Variants in NCKAP5 observed in about 807,000 individuals in gnomAD.
NCKAP5 encodes the protein nck-associated protein 5.
NCKAP5 carries 92 observed loss-of-function variants against 167.0 expected under a neutral mutation model. The observed-to-expected ratio is 0.55, with a 90% CI of 0.47 to 0.66. The LOEUF is 0.66. Ranked by LOEUF, NCKAP5 falls within the 30% of genes least tolerant of loss-of-function variation. The pLI is 0.00. For synonymous variants in NCKAP5, 891 were observed against 877.4 expected (o/e 1.02, Z -0.27); for missense variants, 2,378 against 2,315.0 (o/e 1.03, Z -0.56).
intron 5 of NCKAP5, among the ~76,000 whole-genome samples, chr2:133,204,376 C>T (rs142459411): frequency 6.6e-6 from 1 of 152,226 alleles, no homozygotes; most frequent in Non-Finnish European, 1.5e-5. Flanking sequence ...AAGACTCCCC[C>T]CCATCAGAGG....
intron 8 of NCKAP5, among the ~76,000 whole-genome samples, chr2:132,944,496 C>T (rs1697546007): frequency 6.6e-6 from 1 of 152,242 alleles, no homozygotes; most frequent in Non-Finnish European, 1.5e-5. Flanking sequence ...AAATATAGAG[C>T]AATGACAGCT....
chr2:133,378,403 CT>C (rs1194139549), intron 3 of NCKAP5, among the ~76,000 whole-genome samples: 2 of 152,192 alleles, frequency 1.3e-5, no homozygotes, highest in African/African-American at 4.8e-5. Flanking sequence ...CACTAAACAT[CT>C]GAATTATAGT....
At chr2:132,870,977 T>G (rs1325715844) in intron 9 of NCKAP5, among the ~76,000 whole-genome samples, 1 of 152,138 alleles carries the variant, frequency 6.6e-6, no homozygotes, top group Non-Finnish European at 1.5e-5. Context: ...ATCAGAAGTC[T>G]TTTCAAAGTT....
At chr2:133,441,747 C>T (rs182195278) in intron 3 of NCKAP5, among the ~76,000 whole-genome samples, 22 of 152,304 alleles carry the variant, frequency 1.4e-4, no homozygotes, top group African/African-American at 5.3e-4. Context: ...TTCTTCTGGC[C>T]TGGTTGCCTC....
chr2:133,308,016 A>AGGGAGGACAAGAGGGAAAGAAAGT (rs1370276194), intron 3 of NCKAP5, among the ~76,000 whole-genome samples: 1 of 151,032 alleles, frequency 6.6e-6, no homozygotes, highest in East Asian at 2.0e-4. Flanking sequence ...GGAAAGAAAG[A>AGGGAGGACAAGAGGGAAAGAAAGT]GGGAACTGTT....
At chr2:133,200,383 CT>C (rs770746864) in intron 5 of NCKAP5, among the ~76,000 whole-genome samples, 4 of 151,952 alleles carry the variant, frequency 2.6e-5, no homozygotes, top group Non-Finnish European at 5.9e-5. Flanking sequence ...CAAAAATATT[CT>C]TTTCAACAAA....
At chr2:132,686,497 A>G (rs1045110035) in intron 19 of NCKAP5, among the ~76,000 whole-genome samples, 1 of 152,166 alleles carries the variant, frequency 6.6e-6, no homozygotes, top group African/African-American at 2.4e-5. Flanking sequence ...CGGTTGCCAT[A>G]GCTCAGTCTC....
At chr2:133,306,514 T>G (rs1471610032) in intron 3 of NCKAP5, among the ~76,000 whole-genome samples, 1 of 152,202 alleles carries the variant, frequency 6.6e-6, no homozygotes, top group Non-Finnish European at 1.5e-5. Flanking sequence ...CTCTGACACA[T>G]GTGAAGAAAG....
the NCKAP5 span, among the ~76,000 whole-genome samples, chr2:133,576,325 TA>T: frequency 6.6e-6 from 1 of 152,190 alleles, no homozygotes; most frequent in Non-Finnish European, 1.5e-5. Flanking sequence ...TGGTGAAAAA[TA>T]CATGGGGTGT....
chr2:133,315,634 A>G (rs1681550732), intron 3 of NCKAP5, among the ~76,000 whole-genome samples: 1 of 149,628 alleles, frequency 6.7e-6, no homozygotes, highest in African/African-American at 2.4e-5. Context: ...TGAGAGGAGA[A>G]AAAAAAAAAA....
intron 7 of NCKAP5, among the ~76,000 whole-genome samples, chr2:132,972,551 C>A (rs1336247483): frequency 1.3e-5 from 2 of 151,690 alleles, no homozygotes; most frequent in African/African-American, 2.4e-5. Flanking sequence ...TGGTGAAACA[C>A]CATCTCTACT....
At chr2:133,306,235 C>A (rs1680768231) in intron 3 of NCKAP5, among the ~76,000 whole-genome samples, 2 of 152,198 alleles carry the variant, frequency 1.3e-5, no homozygotes, top group African/African-American at 4.8e-5. Flanking sequence ...GCTTTGGGAG[C>A]AAGTACATAC....
intron 3 of NCKAP5, among the ~76,000 whole-genome samples, chr2:133,506,122 C>T (rs1007005869): frequency 2.6e-5 from 4 of 152,206 alleles, no homozygotes; most frequent in Non-Finnish European, 5.9e-5. Flanking sequence ...ACCACCCTCC[C>T]TGCACCTCAG....
At chr2:133,053,043 A>C (rs1414115149) in intron 6 of NCKAP5, among the ~76,000 whole-genome samples, 1 of 152,178 alleles carries the variant, frequency 6.6e-6, no homozygotes, top group Non-Finnish European at 1.5e-5. Context: ...GAGGAAAAAA[A>C]GCACAGTCTG....
chr2:132,695,335 A>G (rs1687200755), intron 19 of NCKAP5, among the ~76,000 whole-genome samples: 1 of 152,198 alleles, frequency 6.6e-6, no homozygotes, highest in Admixed American at 6.5e-5. Flanking sequence ...TTCAGAATAA[A>G]CAGCAGCATC....
chr2:132,990,144 A>G (rs1413072563), intron 7 of NCKAP5, among the ~76,000 whole-genome samples: 1 of 152,198 alleles, frequency 6.6e-6, no homozygotes, highest in Non-Finnish European at 1.5e-5. Context: ...TTCAAGAGAC[A>G]AAAGAGACTA....
At chr2:133,516,619 T>A (rs1292094599) in intron 3 of NCKAP5, among the ~76,000 whole-genome samples, 7 of 152,226 alleles carry the variant, frequency 4.6e-5, no homozygotes, top group Admixed American at 4.6e-4. Flanking sequence ...TTGAAAGGTA[T>A]AACGGATAAA....
At chr2:133,189,363 G>A (rs1294658140) in intron 5 of NCKAP5, among the ~76,000 whole-genome samples, 1 of 151,992 alleles carries the variant, frequency 6.6e-6, no homozygotes, top group Non-Finnish European at 1.5e-5. Flanking sequence ...GTACAAAGAG[G>A]AGCTGGTACC....
chr2:133,178,926 G>T (rs2084606863), intron 5 of NCKAP5, among the ~76,000 whole-genome samples: 1 of 151,334 alleles, frequency 6.6e-6, no homozygotes, highest in Non-Finnish European at 1.5e-5. Flanking sequence ...AACACTTTGA[G>T]AGGCTAAGGC....
Sources: allele counts gnomAD v4.1 joint callset (sites outside exome capture counted in the v4.1 genomes callset), GRCh38; gene constraint gnomAD v4.1.1; transcripts MANE v1.5; gene names NCBI Gene and HGNC (gene_info 2026-07-23, HGNC 2026-07-21).